Variants in PDE4D observed in about 807,000 individuals in gnomAD.
PDE4D encodes 3',5'-cyclic-AMP phosphodiesterase 4D.
A neutral mutation model predicts 87.4 loss-of-function variants in PDE4D; 24 were observed. The observed-to-expected ratio is 0.27, with a 90% CI of 0.20 to 0.39. The LOEUF (loss-of-function observed/expected upper bound fraction) is 0.39. PDE4D is among the 10% of genes least tolerant of loss of function. The pLI, the probability that PDE4D is intolerant of heterozygous loss-of-function variation, is 1.00. For synonymous variants in PDE4D, 384 were observed against 383.2 expected, an observed-to-expected ratio of 1.00 and a Z score of -0.02; for missense variants, 714 against 1,041.0, an observed-to-expected ratio of 0.69 and a Z score of 4.32.
chr5:59,012,718 C>A (rs972818605), intron 6 of PDE4D, among the ~76,000 whole-genome samples: 2 of 152,078 alleles, frequency 1.3e-5, no homozygotes, highest in African/African-American at 4.8e-5. Context: ...ACTTTAACAC[C>A]CCACTGTCAA....
chr5:59,753,269 C>G (rs1041874827), intron 1 of PDE4D, among the ~76,000 whole-genome samples: 5 of 152,012 alleles, frequency 3.3e-5, no homozygotes, highest in East Asian at 3.9e-4. Context: ...TATTAAAATA[C>G]CTGGTGGTAT....
intron 1 of PDE4D, among the ~76,000 whole-genome samples, chr5:60,214,973 G>C (rs1684387329): frequency 6.6e-6 from 1 of 152,076 alleles, no homozygotes; most frequent in Non-Finnish European, 1.5e-5. Flanking sequence ...TCTCTCCCAT[G>C]CTACTCTCAG....
chr5:59,321,123 GT>G (rs768306712), intron 1 of PDE4D, among the ~76,000 whole-genome samples: 11 of 152,006 alleles, frequency 7.2e-5, no homozygotes, highest in Non-Finnish European at 1.3e-4. Flanking sequence ...TGTTCAGTCT[GT>G]TTATTGTGCT....
intron 2 of PDE4D, among the ~76,000 whole-genome samples, chr5:60,044,516 A>C (rs1372229789): frequency 4.3e-5 from 6 of 139,690 alleles, no homozygotes; most frequent in East Asian, 2.1e-4. Context: ...CCTCCCCCCT[A>C]CCCCCACCCC....
At chr5:59,515,044 A>G (rs1810924427) in intron 1 of PDE4D, among the ~76,000 whole-genome samples, 1 of 152,276 alleles carries the variant, frequency 6.6e-6, no homozygotes, top group South Asian at 2.1e-4. Context: ...GGCTTTAAAC[A>G]TGAGATGTTC....
chr5:59,097,018 A>G (rs75898737), intron 5 of PDE4D, among the ~76,000 whole-genome samples: 6,952 of 152,306 alleles, frequency 0.046, 539 homozygotes, highest in African/African-American at 0.16. Flanking sequence ...AAGGAATGGA[A>G]GAAACAAAGC....
chr5:59,251,473 A>C (rs2153529449), intron 1 of PDE4D, among the ~76,000 whole-genome samples: 1 of 152,134 alleles, frequency 6.6e-6, no homozygotes, highest in Admixed American at 6.5e-5. Flanking sequence ...TCAAAACCAC[A>C]AGATACCATC....
chr5:60,108,690 C>T (rs901285746), intron 2 of PDE4D, among the ~76,000 whole-genome samples: 3 of 151,984 alleles, frequency 2.0e-5, no homozygotes, highest in African/African-American at 7.3e-5. Flanking sequence ...GAACAGAGCC[C>T]TCAGAAATAA....
At chr5:59,048,469 T>C (rs1241080880) in intron 5 of PDE4D, among the ~76,000 whole-genome samples, 1 of 152,204 alleles carries the variant, frequency 6.6e-6, no homozygotes, top group East Asian at 1.9e-4. Flanking sequence ...CTAACATTCA[T>C]TTATTATCTG....
At chr5:60,107,075 T>A (rs533606214) in intron 2 of PDE4D, among the ~76,000 whole-genome samples, 301 of 152,264 alleles carry the variant, frequency 2.0e-3, no homozygotes, top group African/African-American at 6.9e-3. Flanking sequence ...AGGAGCTGGT[T>A]TTTTGAAAAG....
chr5:59,636,851 G>C (rs1462726180), intron 1 of PDE4D, among the ~76,000 whole-genome samples: 4 of 152,082 alleles, frequency 2.6e-5, no homozygotes, highest in Admixed American at 2.0e-4. Flanking sequence ...TGGGCAAAGA[G>C]TTCATGACTA....
At chr5:59,066,701 C>T (rs189937824) in intron 5 of PDE4D, among the ~76,000 whole-genome samples, 23 of 152,210 alleles carry the variant, frequency 1.5e-4, no homozygotes, top group Admixed American at 1.3e-3. Flanking sequence ...CATTCATATG[C>T]GATGAAACCT....
rs185360555 is a variant in PDE4D at position 59,518,984 on chromosome 5, A to T, written c.456-303016T>A. Among the ~76,000 whole-genome samples, 43 of 152,336 alleles carry T rather than the reference A, an allele frequency of 2.8e-4. No individual in the cohort carries two copies. In the East Asian group the frequency reaches 6.8e-3, roughly 24 times the overall value. ...CTACAGGCCGGTGTTATCTCTGTTT[A>T]TAAGACAAAGCAGGTGTTAATAAGT... On this transcript the variant is annotated intron_variant, in intron 1 of 14. Coordinates refer to ENST00000340635, the MANE Select transcript of PDE4D (RefSeq NM_001104631.2).
At chr5:59,281,942 C>T (rs1190752974) in intron 1 of PDE4D, among the ~76,000 whole-genome samples, 1 of 152,196 alleles carries the variant, frequency 6.6e-6, no homozygotes, top group African/African-American at 2.4e-5. Context: ...AATCAATGTA[C>T]TTGCCTTATC....
rs1236751472 is a variant in PDE4D, at chr5:58,971,000, C to G, written c.*3664G>C. On this transcript the variant is annotated 3_prime_UTR_variant, in exon 15 of 15. Coordinates refer to ENST00000340635, the MANE Select transcript of PDE4D (RefSeq NM_001104631.2). ...AACAACCATCACACATGCAGTGCTGCTCCCTGGCAAGAAGTACTTAAGAGC... is the reference window on the plus strand; with the variant it reads ...AACAACCATCACACATGCAGTGCTGGTCCCTGGCAAGAAGTACTTAAGAGC... 6.6e-6 allele frequency: 1 copy of G among 151,888 alleles called. No homozygotes were observed. The highest frequency in any genetic ancestry group is 1.9e-4 in the East Asian group (1 of 5,194). The allele number at this position is 151,888 out of a possible 1,614,324, so 9.4% of individuals were successfully genotyped here.
At chr5:59,211,803 T>C (rs959173692) in intron 2 of PDE4D, among the ~76,000 whole-genome samples, 2 of 152,136 alleles carry the variant, frequency 1.3e-5, no homozygotes, top group African/African-American at 4.8e-5. Flanking sequence ...AGCTATTTCA[T>C]TGGTTTCTAT....
chr5:59,920,865 T>C (rs1162040209), intron 3 of PDE4D, among the ~76,000 whole-genome samples: 3 of 15,542 alleles, frequency 1.9e-4, no homozygotes, highest in South Asian at 1.7e-3. Context: ...TGTCATGTGG[T>C]GGGGGGAGGG....
chr5:60,001,996 C>A (rs769144636), intron 2 of PDE4D, among the ~76,000 whole-genome samples: 2 of 150,860 alleles, frequency 1.3e-5, no homozygotes, highest in African/African-American at 4.9e-5. Context: ...AGCACAAGAA[C>A]CACAAACCCA....
intron 13 of PDE4D, 52 bp downstream of exon 13, chr5:58,976,298 T>C (rs1270200733): frequency 1.9e-6 from 3 of 1,589,286 alleles, no homozygotes; most frequent in Non-Finnish European, 2.6e-6. Context: ...CGCAGACATG[T>C]GCACATGTGC....
Sources: gnomAD v4.1 joint callset for allele counts (sites outside exome capture counted in the v4.1 genomes callset) on GRCh38, gnomAD v4.1.1 for gene constraint, MANE v1.5 for transcripts, NCBI Gene and HGNC (gene_info 2026-07-23, HGNC 2026-07-21) for gene names.